The following MRPL13 variants were observed in gnomAD, a reference collection of about 807,000 sequenced individuals.
The protein encoded by MRPL13 is large ribosomal subunit protein uL13m.
Under a neutral mutation model 29.0 loss-of-function variants are expected in MRPL13, and 33 were observed. The ratio of observed to expected loss-of-function variants is 1.14; its 90% CI spans 0.86 to 1.52. MRPL13 has a LOEUF of 1.52. MRPL13 is among the 40% of genes most tolerant of loss of function. The probability of loss-of-function intolerance (pLI) is 0.00; values close to 1 mark genes in which losing one functional copy is unlikely to be tolerated. For synonymous variants in MRPL13, 77 were observed against 68.4 expected (o/e 1.13, Z -0.62); for missense variants, 227 against 216.7 (o/e 1.05, Z -0.30).
chr8:120,422,807 T>G (rs1237869351), intron 4 of MRPL13, among the ~76,000 whole-genome samples: 1 of 151,716 alleles, frequency 6.6e-6, no homozygotes, highest in African/African-American at 2.4e-5. Context: ...CTCAAAAAAC[T>G]TAGGTTGTTA....
rs181055860 is a variant in MRPL13 at position 120,431,120 on chromosome 8, A to G, written c.245+910T>C. On this transcript the variant is annotated intron_variant, in intron 3 of 6. Transcript: ENST00000306185. Reference sequence around the variant, plus strand: ...GGGCAAAGGCTGGCTCAAGGAAGCAAAACAGTTGTTCCAAATATTTAAGAT... The same window carrying G: ...GGGCAAAGGCTGGCTCAAGGAAGCAGAACAGTTGTTCCAAATATTTAAGAT... 3.8e-3 allele frequency among the ~76,000 whole-genome samples: 576 copies of G among 152,290 alleles called. 4 individuals are homozygous for G. Among genetic ancestry groups the G allele is most frequent in the Non-Finnish European group, 2.7e-3 (184 of 68,012 alleles).
chr8:120,438,784 A>C (rs1813083226), intron 2 of MRPL13, among the ~76,000 whole-genome samples: 1 of 152,220 alleles, frequency 6.6e-6, no homozygotes, highest in Non-Finnish European at 1.5e-5. Flanking sequence ...AATATAGCTG[A>C]ATAGCAATGA....
intron 2 of MRPL13, among the ~76,000 whole-genome samples, chr8:120,433,572 G>C (rs1186900957): frequency 6.6e-6 from 1 of 152,098 alleles, no homozygotes; most frequent in Non-Finnish European, 1.5e-5. Context: ...GCATTAGACA[G>C]ATTGCCACAA....
intron 3 of MRPL13, among the ~76,000 whole-genome samples, chr8:120,428,126 T>TAAAAAAAAAAAAA (rs144856034): frequency 9.1e-6 from 1 of 110,392 alleles, no homozygotes; most frequent in Non-Finnish European, 1.9e-5. Flanking sequence ...ATGGTACTGA[T>TAAAAAAAAAAAAA]AAAAAAAAAA....
chr8:120,437,815 A>T (rs984127095), intron 2 of MRPL13, among the ~76,000 whole-genome samples: 3 of 152,136 alleles, frequency 2.0e-5, no homozygotes, highest in Non-Finnish European at 4.4e-5. Context: ...TTTTACAACC[A>T]TTTGTAGAAC....
At chr8:120,411,617 A>G (rs1209615591) in intron 6 of MRPL13, among the ~76,000 whole-genome samples, 1 of 152,132 alleles carries the variant, frequency 6.6e-6, no homozygotes, top group African/African-American at 2.4e-5. Context: ...ACGTATACCT[A>G]TTTTACTATT....
chr8:120,415,005 CT>C (rs1425382524), intron 5 of MRPL13: 1 of 152,012 alleles, frequency 6.6e-6, no homozygotes, highest in Non-Finnish European at 1.5e-5. Context: ...AGTTTAGATA[CT>C]GAAAGGCACA....
At chr8:120,430,173 A>C (rs1344658014) in intron 3 of MRPL13, among the ~76,000 whole-genome samples, 2 of 152,114 alleles carry the variant, frequency 1.3e-5, no homozygotes, top group Non-Finnish European at 2.9e-5. Context: ...GAGGCAGGAG[A>C]ATTGCTTGAA....
Position 120,419,873 on chromosome 8 carries a change from C to G in MRPL13, c.372G>C (p.Arg124Ser), listed in dbSNP as rs759937576. The change falls in exon 5 of 7, where the codon AGG becomes AGC. Residue 124 changes from arginine (R) to serine (S), a missense_variant. Coordinates refer to ENST00000306185, the MANE Select transcript of MRPL13 (RefSeq NM_014078.6). ...KNLHRRTMME[R>S]LHLFPDEYIP... ...TTACCTCATCTGGAAAAAGATGCAA[C>G]CTTTCCATCATTGTTCTTCTGTGAA... The G allele has an allele frequency of 6.3e-7, 1 of 1,591,852 alleles. No homozygotes were observed. The highest frequency in any genetic ancestry group is 1.1e-5 in the South Asian group (1 of 87,150).
At chr8:120,434,065 G>A (rs1025350965) in intron 2 of MRPL13, among the ~76,000 whole-genome samples, 2 of 151,942 alleles carry the variant, frequency 1.3e-5, no homozygotes, top group African/African-American at 4.8e-5. Flanking sequence ...TATAATACTA[G>A]GTGCTCAATT....
intron 6 of MRPL13, among the ~76,000 whole-genome samples, chr8:120,409,466 T>C (rs954344343): frequency 2.6e-5 from 4 of 152,182 alleles, no homozygotes; most frequent in African/African-American, 9.7e-5. Flanking sequence ...GCAATAATCA[T>C]GTAACAATTG....
At chr8:120,416,164 C>CT (rs1812799716) in intron 5 of MRPL13, 1 of 152,132 alleles carries the variant, frequency 6.6e-6, no homozygotes, top group South Asian at 2.1e-4. Context: ...GAGAAGGTAA[C>CT]CCATGAATGC....
At chr8:120,421,832 A>C (rs2130469782) in intron 4 of MRPL13, among the ~76,000 whole-genome samples, 2 of 151,958 alleles carry the variant, frequency 1.3e-5, no homozygotes, top group South Asian at 4.1e-4. Context: ...TACAGTTAAC[A>C]TAAAATAGAA....
chr8:120,410,631 C>G (rs1185644224), intron 6 of MRPL13, among the ~76,000 whole-genome samples: 1 of 152,156 alleles, frequency 6.6e-6, no homozygotes, highest in Non-Finnish European at 1.5e-5. Flanking sequence ...ATTTTATTTA[C>G]TAAAATTACA....
At chr8:120,436,621 T>C (rs1813058117) in intron 2 of MRPL13, among the ~76,000 whole-genome samples, 1 of 152,264 alleles carries the variant, frequency 6.6e-6, no homozygotes, top group Admixed American at 6.5e-5. Flanking sequence ...CTTTATAGGG[T>C]TGAATCCTTC....
chr8:120,405,815 G>T (rs1276843010), intron 6 of MRPL13, among the ~76,000 whole-genome samples: 4 of 152,102 alleles, frequency 2.6e-5, no homozygotes, highest in Non-Finnish European at 5.9e-5. Context: ...CCTATTTTGT[G>T]CTGAGGTGAC....
At chr8:120,442,123 T>C (rs1444712315) in intron 2 of MRPL13, among the ~76,000 whole-genome samples, 1 of 152,220 alleles carries the variant, frequency 6.6e-6, no homozygotes, top group East Asian at 1.9e-4. Flanking sequence ...GCCAGCCATA[T>C]TTGTCATCGA....
chr8:120,401,999 A>G (rs1379151791), intron 6 of MRPL13, among the ~76,000 whole-genome samples: 2 of 152,228 alleles, frequency 1.3e-5, no homozygotes, highest in East Asian at 3.9e-4. Flanking sequence ...GAAATCAGAG[A>G]GGACACAAAC....
intron 2 of MRPL13, among the ~76,000 whole-genome samples, chr8:120,434,135 A>G (rs1017303938): frequency 1.3e-5 from 2 of 152,084 alleles, no homozygotes; most frequent in African/African-American, 4.8e-5. Context: ...GCTTCATGTC[A>G]GGAAACCTAA....
Sources: gnomAD v4.1 joint callset for allele counts (sites outside exome capture counted in the v4.1 genomes callset) on GRCh38, gnomAD v4.1.1 for gene constraint, MANE v1.5 for transcripts, NCBI Gene and HGNC (gene_info 2026-07-23, HGNC 2026-07-21) for gene names.